CCDC171: variants seen among roughly 807,000 people sequenced by gnomAD.
CCDC171 encodes the protein coiled-coil domain containing 171.
A neutral mutation model predicts 168.2 loss-of-function variants in CCDC171; 177 were observed. That is an observed-to-expected ratio of 1.05 (90% CI 0.93 to 1.19). The LOEUF (loss-of-function observed/expected upper bound fraction) is 1.19, where lower values mean the gene tolerates loss of function less well. Among genes scored for constraint, CCDC171 ranks in the 50% most tolerant of loss-of-function variants. CCDC171 has a pLI of 0.00. For synonymous variants in CCDC171, 687 were observed against 540.8 expected (o/e 1.27, Z -3.75); for missense variants, 1,991 against 1,539.0 (o/e 1.29, Z -4.91).
intron 20 of CCDC171, among the ~76,000 whole-genome samples, chr9:15,780,774 A>T (rs2057624598): frequency 6.6e-6 from 1 of 152,180 alleles, no homozygotes; most frequent in African/African-American, 2.4e-5. Flanking sequence ...CTGTCATTTA[A>T]TTATTAATTT....
At chr9:15,685,011 G>T (rs1170262724) in intron 10 of CCDC171, among the ~76,000 whole-genome samples, 1 of 152,094 alleles carries the variant, frequency 6.6e-6, no homozygotes, top group Non-Finnish European at 1.5e-5. Context: ...TTTAATCCTA[G>T]GGCAACAAAT....
At chr9:15,841,998 C>T (rs980451453) in intron 21 of CCDC171, among the ~76,000 whole-genome samples, 1 of 151,958 alleles carries the variant, frequency 6.6e-6, no homozygotes, top group African/African-American at 2.4e-5. Flanking sequence ...AGCTTTTTAA[C>T]CAAATTTATT....
intron 1 of CCDC171, among the ~76,000 whole-genome samples, chr9:16,058,632 C>G (rs771287285): frequency 1.3e-5 from 2 of 152,172 alleles, no homozygotes; most frequent in Non-Finnish European, 2.9e-5. Context: ...ACAAAGAGAC[C>G]TTGTAATAGA....
intron 7 of CCDC171, among the ~76,000 whole-genome samples, chr9:15,636,668 G>C (rs2046221999): frequency 6.8e-6 from 1 of 147,722 alleles, no homozygotes; most frequent in Non-Finnish European, 1.5e-5. Flanking sequence ...AGGATCACTT[G>C]AGCCTGGGGA....
chr9:16,034,333 GACACACATTTGAC>G (rs371542103), intron 6 of CCDC171, among the ~76,000 whole-genome samples: 54 of 152,232 alleles, frequency 3.5e-4, no homozygotes, highest in African/African-American at 1.2e-3. Flanking sequence ...CACCTAATTT[GACACACATTTGAC>G]ACACACATTT....
chr9:15,883,424 T>G (rs1818978111), intron 24 of CCDC171, among the ~76,000 whole-genome samples: 1 of 152,130 alleles, frequency 6.6e-6, no homozygotes. Flanking sequence ...AAACATAGTC[T>G]TGCACACTAA....
the CCDC171 span, among the ~76,000 whole-genome samples, chr9:16,084,318 C>T: frequency 6.6e-6 from 1 of 152,202 alleles, no homozygotes; most frequent in South Asian, 2.1e-4. Flanking sequence ...CTTCCCTGTA[C>T]CTTAGATACC....
chr9:15,929,355 G>T (rs1423444205), intron 25 of CCDC171, among the ~76,000 whole-genome samples: 1 of 151,496 alleles, frequency 6.6e-6, no homozygotes, highest in Non-Finnish European at 1.5e-5. Flanking sequence ...GTTCTTTAAG[G>T]GTTTCAATTA....
intron 21 of CCDC171, among the ~76,000 whole-genome samples, chr9:15,812,479 T>C (rs1588652902): frequency 6.6e-6 from 1 of 152,198 alleles, no homozygotes; most frequent in Non-Finnish European, 1.5e-5. Flanking sequence ...AAAATTGCCT[T>C]ATAGTCTTTT....
intron 3 of CCDC171, among the ~76,000 whole-genome samples, chr9:16,008,816 A>G (rs2132978319): frequency 6.6e-6 from 1 of 152,284 alleles, no homozygotes; most frequent in Admixed American, 6.5e-5. Flanking sequence ...ATGGTTGGCT[A>G]TTAATTATCG....
rs138867438 is a variant in CCDC171, at chr9:15,740,211, A to G, written c.2050-4062A>G. Among the ~76,000 whole-genome samples, 303 of 151,966 alleles carry G rather than the reference A, an allele frequency of 2.0e-3. 2 individuals carry two copies. The highest frequency in any genetic ancestry group is 6.5e-3 in the African/African-American group (269 of 41,432). Reference sequence around the variant, plus strand: ...TAGATTTATGGTCTATTTGGAATTTACTTATGTATAAAATGTCAGGTATAG... The same window carrying G: ...TAGATTTATGGTCTATTTGGAATTTGCTTATGTATAAAATGTCAGGTATAG... On this transcript the variant is annotated intron_variant, in intron 16 of 25. Transcript: ENST00000380701.
At chr9:15,623,475 G>GCGCGCGCGCGCACACACA in intron 7 of CCDC171, 62 bp downstream of exon 7, 103 of 315,442 alleles carry the variant, frequency 3.3e-4, no homozygotes, top group East Asian at 1.4e-3. Context: ...GCGCGCGCGC[G>GCGCGCGCGCGCACACACA]CACACACACA....
intron 20 of CCDC171, among the ~76,000 whole-genome samples, chr9:15,781,787 G>C (rs113575509): frequency 6.6e-6 from 1 of 152,140 alleles, no homozygotes; most frequent in African/African-American, 2.4e-5. Context: ...TTTAGTGATC[G>C]TGTTGACCAG....
chr9:15,975,845 G>A (rs142823287), downstream of CCDC171, among the ~76,000 whole-genome samples: 9 of 152,288 alleles, frequency 5.9e-5, no homozygotes, highest in Non-Finnish European at 8.8e-5. Flanking sequence ...ACCGTCTACG[G>A]CAAAGGGACT....
At chr9:15,856,634 C>G (rs1332132305) in intron 23 of CCDC171, among the ~76,000 whole-genome samples, 1 of 151,932 alleles carries the variant, frequency 6.6e-6, no homozygotes, top group East Asian at 1.9e-4. Context: ...GTTTCCAGAT[C>G]TTGGCTATTA....
Position 15,813,812 on chromosome 9 carries a change from G to C in CCDC171, c.3267+29118G>C, listed in dbSNP as rs976338789. 8.9e-4 allele frequency among the ~76,000 whole-genome samples: 136 copies of C among 152,206 alleles called. 1 individual carries two copies. The highest frequency in any genetic ancestry group is 3.2e-3 in the African/African-American group (132 of 41,550). On this transcript the variant is annotated intron_variant, in intron 21 of 25. Coordinates refer to ENST00000380701, the MANE Select transcript of CCDC171 (RefSeq NM_173550.4). ...GGTTTTTGTCAATTTTTAAAATACT[G>C]TAGTTTTGAATAAGGAGGCCAAATG...
At chr9:15,642,810 T>C (rs2046747134) in intron 7 of CCDC171, among the ~76,000 whole-genome samples, 1 of 152,094 alleles carries the variant, frequency 6.6e-6, no homozygotes, top group Non-Finnish European at 1.5e-5. Context: ...TGTGTTTTGC[T>C]CTAAGCAGGA....
intron 21 of CCDC171, among the ~76,000 whole-genome samples, chr9:15,845,464 A>G (rs1316173881): frequency 6.6e-6 from 1 of 152,082 alleles, no homozygotes; most frequent in South Asian, 2.1e-4. Flanking sequence ...GGTTTGACTG[A>G]TGATGGCTTG....
At chr9:15,765,387 G>C (rs1564367144) in intron 18 of CCDC171, among the ~76,000 whole-genome samples, 1 of 152,118 alleles carries the variant, frequency 6.6e-6, no homozygotes, top group South Asian at 2.1e-4. Flanking sequence ...TTGATAATGA[G>C]GGAAGGCACA....
Sources: gnomAD v4.1 joint callset for allele counts (sites outside exome capture counted in the v4.1 genomes callset) on GRCh38, gnomAD v4.1.1 for gene constraint, MANE v1.5 for transcripts, NCBI Gene and HGNC (gene_info 2026-07-23, HGNC 2026-07-21) for gene names.